Variants in FGD4 observed in about 807,000 individuals in gnomAD.
FGD4 encodes the protein FYVE, RhoGEF and PH domain containing 4, also known as FYVE, RhoGEF and PH domain-containing protein 4.
FGD4 carries 42 observed loss-of-function variants against 102.0 expected under a neutral mutation model. The observed-to-expected ratio is 0.41, with a 90% CI of 0.32 to 0.53. FGD4 has a LOEUF of 0.53. Among genes scored for constraint, FGD4 ranks in the 20% least tolerant of loss-of-function variants. The probability of loss-of-function intolerance (pLI) is 0.21; values close to 1 mark genes in which losing one functional copy is unlikely to be tolerated. For synonymous variants in FGD4, 380 were observed against 375.7 expected, an observed-to-expected ratio of 1.01 and a Z score of -0.13; for missense variants, 902 against 1,078.2, an observed-to-expected ratio of 0.84 and a Z score of 2.29.
intron 1 of FGD4, among the ~76,000 whole-genome samples, chr12:32,467,458 A>G (rs1381325157): frequency 3.3e-5 from 5 of 152,174 alleles, no homozygotes; most frequent in Non-Finnish European, 7.3e-5. Flanking sequence ...TGTTGGTTGA[A>G]GAATAAATAA....
At chr12:32,626,534 A>C (rs1035537900) in intron 14 of FGD4, among the ~76,000 whole-genome samples, 2 of 152,138 alleles carry the variant, frequency 1.3e-5, no homozygotes, top group African/African-American at 2.4e-5. Context: ...GTCTATATGC[A>C]AAGACCCTGA....
intron 1 of FGD4, among the ~76,000 whole-genome samples, chr12:32,521,922 G>A (rs1009662691): frequency 7.2e-5 from 11 of 152,000 alleles, no homozygotes; most frequent in African/African-American, 2.7e-4. Flanking sequence ...GCATAGTACC[G>A]AAGACCTGTT....
intron 11 of FGD4, among the ~76,000 whole-genome samples, chr12:32,622,436 A>G (rs1046139461): frequency 6.6e-6 from 1 of 152,224 alleles, no homozygotes; most frequent in South Asian, 2.1e-4. Flanking sequence ...TCACTTTATA[A>G]CATATCCAAC....
chr12:32,500,541 C>A (rs1189578991), intron 1 of FGD4, among the ~76,000 whole-genome samples: 1 of 152,144 alleles, frequency 6.6e-6, no homozygotes, highest in African/African-American at 2.4e-5. Flanking sequence ...TCAAGAGATT[C>A]TCCTGCCTCA....
chr12:32,486,016 G>T, intron 1 of FGD4: 1 of 1,432,958 alleles, frequency 7.0e-7, no homozygotes. Flanking sequence ...TATGTGTCTA[G>T]TGTCTAAATA....
At chr12:32,499,049 G>A (rs995520027) in intron 1 of FGD4, among the ~76,000 whole-genome samples, 2 of 152,230 alleles carry the variant, frequency 1.3e-5, no homozygotes, top group Middle Eastern at 3.2e-3. Flanking sequence ...CTTACAAAAG[G>A]AAAGAGAAAG....
intron 1 of FGD4, chr12:32,502,149 A>G: frequency 2.0e-6 from 2 of 985,404 alleles, no homozygotes; most frequent in Non-Finnish European, 2.4e-6. Flanking sequence ...TTCACTCCCC[A>G]CCGGAATGTG....
chr12:32,564,376 G>A, intron 2 of FGD4, 87 bp downstream of exon 2: 1 of 1,453,282 alleles, frequency 6.9e-7, no homozygotes, highest in Non-Finnish European at 9.1e-7. Context: ...CAAAGAAAGT[G>A]TTTTAAGCTA....
intron 16 of FGD4, among the ~76,000 whole-genome samples, chr12:32,639,244 A>G (rs1023396382): frequency 6.6e-6 from 1 of 152,030 alleles, no homozygotes; most frequent in African/African-American, 2.4e-5. Flanking sequence ...GCTCACTGCA[A>G]CCTCCACCTC....
intron 2 of FGD4, among the ~76,000 whole-genome samples, chr12:32,568,224 C>CAGAA (rs1259819985): frequency 2.0e-5 from 3 of 152,136 alleles, no homozygotes; most frequent in African/African-American, 7.2e-5. Context: ...TCAAAATCAG[C>CAGAA]AGAAAGAAAG....
intron 1 of FGD4, among the ~76,000 whole-genome samples, chr12:32,521,637 C>G (rs1170225679): frequency 6.6e-6 from 1 of 152,140 alleles, no homozygotes; most frequent in Non-Finnish European, 1.5e-5. Context: ...AATACAACAT[C>G]TTTAGAAGGG....
intron 3 of FGD4, among the ~76,000 whole-genome samples, chr12:32,580,572 A>G (rs1363602331): frequency 1.3e-5 from 2 of 151,406 alleles, no homozygotes; most frequent in African/African-American, 4.9e-5. Context: ...TCCCCACCCC[A>G]CTCCCAGAAT....
At position 32,544,560 on chromosome 12, in the gene FGD4, C is replaced by G. The variant is rs1231235592; in HGVS notation, c.167-19577C>G. Among the ~76,000 whole-genome samples the G allele has an allele frequency of 6.6e-6, 1 of 150,612 alleles. No homozygotes were observed. Among genetic ancestry groups the G allele is most frequent in the Non-Finnish European group, 1.5e-5 (1 of 67,702 alleles). ...CAGCCTGGTCAGTATGGTGAAATCC[C>G]GTCTCTACAAAAAAATACAAAAATG... On this transcript the variant is annotated intron_variant, in intron 1 of 16. Transcript: ENST00000534526. This position sits in a 1 kb window ranked among gnomAD's most constrained non-coding sequence, Gnocchi z 4.1.
chr12:32,431,588 A>G (rs1942046675), intron 1 of FGD4, among the ~76,000 whole-genome samples: 1 of 151,956 alleles, frequency 6.6e-6, no homozygotes, highest in African/African-American at 2.4e-5. Context: ...ATCTCCCCTC[A>G]ACCTGTCCCC....
intron 1 of FGD4, among the ~76,000 whole-genome samples, chr12:32,457,900 T>A (rs1290218865): frequency 6.6e-6 from 1 of 152,160 alleles, no homozygotes. Context: ...GGTGTGGAGT[T>A]CTGCTACTGA....
rs954363825 is a variant in FGD4 at position 32,550,693 on chromosome 12, A to T, written c.167-13444A>T. On this transcript the variant is annotated intron_variant, in intron 1 of 16. Transcript: ENST00000534526. ...CTCAAAAAAAAAAAAAAAAAAAAAG[A>T]AAGAGACAAAAAGTTCATTAGCACT... 6.2e-5 allele frequency among the ~76,000 whole-genome samples: 9 copies of T among 146,034 alleles called. No individual in the cohort carries two copies. In the South Asian group the frequency reaches 2.0e-3, roughly 32 times the overall value.
At chr12:32,442,524 A>G (rs925225106) in intron 1 of FGD4, among the ~76,000 whole-genome samples, 1 of 134,954 alleles carries the variant, frequency 7.4e-6, no homozygotes, top group Non-Finnish European at 1.6e-5. Flanking sequence ...GGAGCTTTCT[A>G]TTCTGCCATC....
intron 1 of FGD4, among the ~76,000 whole-genome samples, chr12:32,424,118 A>G (rs1941747477): frequency 6.6e-6 from 1 of 152,138 alleles, no homozygotes; most frequent in Admixed American, 6.5e-5. Flanking sequence ...TGTGCAGAAC[A>G]TGCAGGTTTG....
chr12:32,574,843 A>G (rs1403057824), intron 2 of FGD4: 1 of 152,238 alleles, frequency 6.6e-6, no homozygotes, highest in Non-Finnish European at 1.5e-5. Context: ...AGGAGGCGAC[A>G]TGACTCCTCA....
Sources: allele counts gnomAD v4.1 joint callset (sites outside exome capture counted in the v4.1 genomes callset), GRCh38; gene constraint gnomAD v4.1.1; non-coding constraint Gnocchi (gnomAD v3.1); transcripts MANE v1.5; gene names NCBI Gene and HGNC (gene_info 2026-07-23, HGNC 2026-07-21).